INSL6: variants seen among roughly 807,000 people sequenced by gnomAD.
The protein encoded by INSL6 is insulin like 6, also known as insulin-like peptide INSL6.
INSL6 carries 16 observed loss-of-function variants against 9.4 expected under a neutral mutation model. The ratio of observed to expected loss-of-function variants is 1.70; its 90% CI spans 1.15 to 2.59. The LOEUF (loss-of-function observed/expected upper bound fraction) is 2.59, where lower values mean the gene tolerates loss of function less well. Ranked by LOEUF, INSL6 falls within the 30% of genes most tolerant of loss-of-function variation. The pLI, the probability that INSL6 is intolerant of heterozygous loss-of-function variation, is 0.00. For missense variants in INSL6, 391 were observed against 257.3 expected, an observed-to-expected ratio of 1.52 and a Z score of -3.56; for synonymous variants, 154 against 96.9, an observed-to-expected ratio of 1.59 and a Z score of -3.46.
the INSL6 span, chr9:5,065,150 T>A: frequency 1.6e-6 from 1 of 634,420 alleles, no homozygotes; most frequent in Non-Finnish European, 2.4e-6. Flanking sequence ...ATTTGACAAG[T>A]TTTTTTTAAA....
the INSL6 span, among the ~76,000 whole-genome samples, chr9:5,088,937 T>TA: frequency 1.3e-3 from 202 of 152,300 alleles, 2 homozygotes; most frequent in South Asian, 0.01. Flanking sequence ...AAATTTTGGG[T>TA]AAGGGGTCAC....
the INSL6 span, among the ~76,000 whole-genome samples, chr9:5,018,780 G>C: frequency 6.6e-6 from 1 of 152,162 alleles, no homozygotes; most frequent in Non-Finnish European, 1.5e-5. Flanking sequence ...ATTTTGCTGG[G>C]TATAGTATCC....
At chr9:5,069,840 G>T in the INSL6 span, 4 of 815,800 alleles carry the variant, frequency 4.9e-6, no homozygotes, top group South Asian at 2.8e-5. Flanking sequence ...CTTATACGTA[G>T]AACACATTTC....
At chr9:5,128,731 G>C (rs971044215) in intron 3 of INSL6, among the ~76,000 whole-genome samples, 2 of 151,916 alleles carry the variant, frequency 1.3e-5, no homozygotes, top group South Asian at 4.2e-4. Flanking sequence ...TTTTCATTGA[G>C]GCTTCGTAAA....
the INSL6 span, among the ~76,000 whole-genome samples, chr9:5,031,747 G>T: frequency 6.6e-6 from 1 of 152,178 alleles, no homozygotes; most frequent in Non-Finnish European, 1.5e-5. Context: ...ATGTCTGAAG[G>T]TTTCCTCTTA....
the INSL6 span, among the ~76,000 whole-genome samples, chr9:5,065,538 T>C: frequency 6.6e-6 from 1 of 152,230 alleles, no homozygotes; most frequent in Non-Finnish European, 1.5e-5. Flanking sequence ...AGCCACTAGC[T>C]ACATGTGGCT....
At chr9:5,160,747 A>T (rs1056790710), downstream of INSL6, among the ~76,000 whole-genome samples, 4 of 152,186 alleles carry the variant, frequency 2.6e-5, no homozygotes, top group South Asian at 2.1e-4. Flanking sequence ...AATTAGAGAT[A>T]AAAAGGAGAA....
intron 1 of INSL6, among the ~76,000 whole-genome samples, chr9:5,172,932 GAAAA>G (rs142422855): frequency 7.7e-6 from 1 of 130,440 alleles, no homozygotes; most frequent in Non-Finnish European, 1.7e-5. Context: ...CACCTCAAAA[GAAAA>G]AAAAAAAGAG....
chr9:5,149,134 C>A (rs759815170), intron 2 of INSL6, among the ~76,000 whole-genome samples: 1 of 152,182 alleles, frequency 6.6e-6, no homozygotes, highest in Non-Finnish European at 1.5e-5. Context: ...GATCCCCCTG[C>A]CACTTCACAC....
intron 2 of INSL6, among the ~76,000 whole-genome samples, chr9:5,153,989 A>T (rs1266846620): frequency 1.3e-5 from 2 of 152,186 alleles, no homozygotes; most frequent in Non-Finnish European, 2.9e-5. Flanking sequence ...TCTCATGTGG[A>T]ACCAAAAAAG....
At chr9:5,066,744 C>T in the INSL6 span, 1 of 1,604,582 alleles carries the variant, frequency 6.2e-7, no homozygotes, top group Non-Finnish European at 8.5e-7. Flanking sequence ...TACTTCGATG[C>T]AGTCCTAAGG....
chr9:5,102,496 G>A, the INSL6 span, among the ~76,000 whole-genome samples: 10 of 152,200 alleles, frequency 6.6e-5, no homozygotes, highest in East Asian at 9.6e-4. Flanking sequence ...GAACTTCCCC[G>A]ACCTACCAAG....
the INSL6 span, among the ~76,000 whole-genome samples, chr9:5,003,085 G>A: frequency 1.3e-5 from 2 of 151,830 alleles, no homozygotes; most frequent in African/African-American, 4.8e-5. Context: ...TGTTCCATTT[G>A]TCTATTTGTT....
At chr9:5,088,001 C>T in the INSL6 span, among the ~76,000 whole-genome samples, 3 of 152,108 alleles carry the variant, frequency 2.0e-5, no homozygotes, top group Non-Finnish European at 4.4e-5. Context: ...TTTATGAACA[C>T]ATTGTTAAGT....
At chr9:5,126,287 C>T (rs984340873) in intron 3 of INSL6, 8 of 1,350,692 alleles carry the variant, frequency 5.9e-6, no homozygotes, top group Non-Finnish European at 7.3e-6. Flanking sequence ...AAGAATTTTG[C>T]TACAAATTAA....
the INSL6 span, among the ~76,000 whole-genome samples, chr9:5,083,077 T>C: frequency 1.3e-5 from 2 of 152,254 alleles, no homozygotes; most frequent in African/African-American, 2.4e-5. Flanking sequence ...GGCAGTATTA[T>C]TCAAATTGAC....
rs144071934 is a variant in INSL6, at chr9:5,155,214, G to C, written c.376+8965C>G. On this transcript the variant is annotated intron_variant, in intron 2 of 3. Coordinates refer to the INSL6 transcript ENST00000649639. ...GCTGGAAACCATCATTCTCAGCAAA[G>C]TATCCCAAGGACAAAAAACCAAACA... Among the ~76,000 whole-genome samples, 838 of 151,122 alleles carry C rather than the reference G, an allele frequency of 5.5e-3. 9 individuals carry two copies. The highest frequency in any genetic ancestry group is 0.019 in the African/African-American group (799 of 41,094).
At chr9:5,178,001 A>G (rs61131640) in intron 1 of INSL6, among the ~76,000 whole-genome samples, 58,073 of 151,926 alleles carry the variant, frequency 0.38, 12,617 homozygotes, top group African/African-American at 0.61. Context: ...TCAGCCTCCC[A>G]AGTAGCTGGG....
At chr9:5,112,161 G>A in the INSL6 span, 2 of 283,856 alleles carry the variant, frequency 7.0e-6, no homozygotes, top group Non-Finnish European at 1.4e-5. Context: ...TGCACACGCT[G>A]CTACCCGGCC....
Sources: gnomAD v4.1 joint callset for allele counts (sites outside exome capture counted in the v4.1 genomes callset) on GRCh38, gnomAD v4.1.1 for gene constraint, MANE v1.5 for transcripts, NCBI Gene and HGNC (gene_info 2026-07-23, HGNC 2026-07-21) for gene names.